Variants in RASL12 observed in about 807,000 individuals in gnomAD.
RASL12 encodes the protein RAS like family 12.
Under a neutral mutation model 22.9 loss-of-function variants are expected in RASL12, and 16 were observed. The ratio of observed to expected loss-of-function variants is 0.70; its 90% confidence interval spans 0.47 to 1.06. The LOEUF (loss-of-function observed/expected upper bound fraction) is 1.06. Ranked by LOEUF, RASL12 falls within the 50% of genes least tolerant of loss-of-function variation. The probability of loss-of-function intolerance (pLI) is 0.00; values close to 1 mark genes in which losing one functional copy is unlikely to be tolerated. For missense variants in RASL12, 306 were observed against 353.1 expected (o/e 0.87, Z 1.07); for synonymous variants, 159 against 152.2 (o/e 1.04, Z -0.33).
chr15:65,071,269 C>T (rs1347714833), upstream of RASL12, among the ~76,000 whole-genome samples: 1 of 152,150 alleles, frequency 6.6e-6, no homozygotes, highest in Admixed American at 6.5e-5. Flanking sequence ...GCTCCTTTCT[C>T]CTTTCTTTGC....
chr15:65,076,299 G>T (rs1430192750), intron 1 of RASL12, among the ~76,000 whole-genome samples: 1 of 152,174 alleles, frequency 6.6e-6, no homozygotes. Flanking sequence ...CACTCACCGT[G>T]AAAGTCTGCA....
intron 4 of RASL12, among the ~76,000 whole-genome samples, chr15:65,056,458 C>T (rs1289526906): frequency 2.0e-5 from 3 of 152,132 alleles, no homozygotes; most frequent in South Asian, 2.1e-4. Context: ...GTAAGCTCAC[C>T]GCTTCCTGAG....
chr15:65,051,598 G>C, downstream of RASL12: 2 of 1,613,238 alleles, frequency 1.2e-6, no homozygotes. Context: ...AAGCATCCAG[G>C]CAAGCAGGTG....
chr15:65,062,167 C>T (rs1191508434), intron 2 of RASL12, among the ~76,000 whole-genome samples: 1 of 152,094 alleles, frequency 6.6e-6, no homozygotes, highest in Non-Finnish European at 1.5e-5. Context: ...CCAGATGAGG[C>T]ACCCTCAGCC....
At chr15:65,063,680 T>C (rs1027458537) in intron 2 of RASL12, among the ~76,000 whole-genome samples, 2 of 152,178 alleles carry the variant, frequency 1.3e-5, no homozygotes, top group African/African-American at 2.4e-5. Context: ...CCCTTTGCTC[T>C]CTCTGTTTGA....
Position 65,054,205 on chromosome 15 carries a change from T to C in RASL12, c.*694A>G, listed in dbSNP as rs2086695933. On this transcript the variant is annotated 3_prime_UTR_variant, in exon 5 of 5. Coordinates refer to ENST00000220062, the MANE Select transcript of RASL12 (RefSeq NM_016563.4). ...TAACAGTGGGAAAACACATGGAGAA[T>C]CTGTCTGCTGGTGAAAGAACTCTGG... is the stretch of plus-strand genomic sequence containing the variant. 1.0e-6 allele frequency: 1 copy of C among 985,488 alleles called. No homozygotes were observed. The highest frequency in any genetic ancestry group is 1.8e-5 in the African/African-American group (1 of 56,928). 61.0% of individuals were successfully genotyped at this position (985,488 alleles called of 1,614,324 possible). A position where few individuals can be genotyped will look rare whatever the true frequency, so the allele number is the denominator to read the frequency against.
intron 2 of RASL12, among the ~76,000 whole-genome samples, chr15:65,064,665 T>G (rs2086854876): frequency 6.6e-6 from 1 of 152,012 alleles, no homozygotes. Context: ...GGCACGACCT[T>G]GGCTCACTGC....
rs1246349018 is a variant in RASL12 at position 65,054,464 on chromosome 15, C to T, written c.*435G>A. ...CCTGCCTTTCCCGTCCACCAGGTGGCACAAGGACCCCAGGCTGTCATTCCG... is the reference window on the plus strand; with the variant it reads ...CCTGCCTTTCCCGTCCACCAGGTGGTACAAGGACCCCAGGCTGTCATTCCG... On this transcript the variant is annotated 3_prime_UTR_variant, in exon 5 of 5. Coordinates refer to ENST00000220062, the MANE Select transcript of RASL12 (RefSeq NM_016563.4). 2.0e-6 allele frequency: 2 copies of T among 994,290 alleles called. No individual in the cohort carries two copies. Among genetic ancestry groups the T allele is most frequent in the Non-Finnish European group, 2.4e-6 (2 of 835,834 alleles). The allele number at this position is 994,290 out of a possible 1,614,324, so 61.6% of individuals were successfully genotyped here. A position where few individuals can be genotyped will look rare whatever the true frequency, so the allele number is the denominator to read the frequency against.
At chr15:65,057,986 C>T (rs542839397) in intron 4 of RASL12, among the ~76,000 whole-genome samples, 1 of 152,204 alleles carries the variant, frequency 6.6e-6, no homozygotes, top group African/African-American at 2.4e-5. Context: ...AACATAATCC[C>T]TGTGGTCGGG....
chr15:65,073,068 A>C (rs2086942287), intron 1 of RASL12, among the ~76,000 whole-genome samples: 3 of 152,030 alleles, frequency 2.0e-5, no homozygotes, highest in Admixed American at 2.0e-4. Flanking sequence ...CAAACAAAAA[A>C]ACCCCAAACC....
rs76627673 is a variant in RASL12, at chr15:65,053,839, T to C, written c.*1060A>G. On this transcript the variant is annotated 3_prime_UTR_variant, in exon 5 of 5. Coordinates refer to ENST00000220062, the MANE Select transcript of RASL12 (RefSeq NM_016563.4). ...GTGGGATCTCAAAGGTGTGTCCTGA[T>C]CCCATGTCTGAGCCATGGTGTCTTG... 0.018 allele frequency: 17,595 copies of C among 985,864 alleles called. 1,441 individuals are homozygous for C. In the African/African-American group the frequency reaches 0.22, roughly 12 times the overall value. The allele number at this position is 985,864 out of a possible 1,614,324, so 61.1% of individuals were successfully genotyped here.
intron 4 of RASL12, among the ~76,000 whole-genome samples, chr15:65,057,361 G>A (rs985477240): frequency 1.3e-5 from 2 of 152,186 alleles, no homozygotes; most frequent in African/African-American, 4.8e-5. Flanking sequence ...GAGAAATCCA[G>A]TGGCATTACT....
At chr15:65,063,629 C>T (rs2086840250) in intron 2 of RASL12, among the ~76,000 whole-genome samples, 1 of 152,232 alleles carries the variant, frequency 6.6e-6, no homozygotes, top group African/African-American at 2.4e-5. Flanking sequence ...GGGACTGTCA[C>T]CATGTCACCT....
intron 2 of RASL12, among the ~76,000 whole-genome samples, chr15:65,063,915 T>C (rs1012586964): frequency 2.0e-5 from 3 of 151,952 alleles, no homozygotes; most frequent in Admixed American, 6.6e-5. Flanking sequence ...GCGCAGGGGG[T>C]TTCCACTGTG....
chr15:65,059,427 C>T lies in RASL12; in HGVS notation c.161-9G>A, dbSNP rs760598369. ...GGAGCTGTAGGTGTCCTCTACAACA[C>T]AGATGGTTAGCCAGGTCAGACACAG... On this transcript the variant is annotated splice_polypyrimidine_tract_variant and intron_variant, in intron 2 of 4. Coordinates refer to ENST00000220062, the MANE Select transcript of RASL12 (RefSeq NM_016563.4). 1.2e-6 allele frequency: 2 copies of T among 1,612,500 alleles called. No individual in the cohort carries two copies. Among genetic ancestry groups the T allele is most frequent in the South Asian group, 1.1e-5 (1 of 91,018 alleles).
intron 2 of RASL12, among the ~76,000 whole-genome samples, chr15:65,064,425 T>C (rs2086851735): frequency 6.6e-6 from 1 of 152,084 alleles, no homozygotes; most frequent in Admixed American, 6.5e-5. Context: ...CACCGAAACG[T>C]TCCTTTTTCC....
chr15:65,047,336 C>CA, the RASL12 span, among the ~76,000 whole-genome samples: 1,243 of 122,744 alleles, frequency 0.01, 7 homozygotes, highest in Middle Eastern at 0.02. Flanking sequence ...AACTCCATCT[C>CA]AAAAAAAAAA....
At chr15:65,059,468 T>A in intron 2 of RASL12, 50 bp from the exon 3 acceptor site, 1 of 1,454,920 alleles carries the variant, frequency 6.9e-7, no homozygotes, top group Non-Finnish European at 9.6e-7. Flanking sequence ...TGGGTGTAAG[T>A]TTGAGCTTCC....
chr15:65,050,400 TCTCTG>T (rs1409947591), downstream of RASL12, among the ~76,000 whole-genome samples: 4 of 152,092 alleles, frequency 2.6e-5, no homozygotes, highest in African/African-American at 9.7e-5. Context: ...AACACAAAAA[TCTCTG>T]CCTTCATGGA....
Sources: allele counts gnomAD v4.1 joint callset (sites outside exome capture counted in the v4.1 genomes callset), GRCh38; gene constraint gnomAD v4.1.1; transcripts MANE v1.5; gene names NCBI Gene and HGNC (gene_info 2026-07-23, HGNC 2026-07-21).